SUSD3: variants seen among roughly 807,000 people sequenced by gnomAD.
SUSD3 encodes the protein sushi domain-containing protein 3.
In SUSD3, 18 loss-of-function variants were observed where a neutral mutation model predicts 20.6. The ratio of observed to expected loss-of-function variants is 0.87; its 90% CI spans 0.60 to 1.30. The LOEUF is 1.30. Among genes scored for constraint, SUSD3 ranks in the 50% most tolerant of loss-of-function variants. The pLI, the probability that SUSD3 is intolerant of heterozygous loss-of-function variation, is 0.00. For synonymous variants in SUSD3, 137 were observed against 141.5 expected, an observed-to-expected ratio of 0.97 and a Z score of 0.23; for missense variants, 306 against 346.9, an observed-to-expected ratio of 0.88 and a Z score of 0.94.
At chr9:93,069,218 G>A (rs1447889078) in intron 1 of SUSD3, 2 of 689,374 alleles carry the variant, frequency 2.9e-6, no homozygotes, top group African/African-American at 1.8e-5. Flanking sequence ...CACCCCGCCT[G>A]GGATTGCTGT....
intron 1 of SUSD3, among the ~76,000 whole-genome samples, chr9:93,072,754 G>A (rs1564189824): frequency 1.3e-5 from 2 of 152,216 alleles, no homozygotes; most frequent in South Asian, 2.1e-4. Flanking sequence ...GATGTCTTTG[G>A]TAAACATTTT....
intron 1 of SUSD3, among the ~76,000 whole-genome samples, chr9:93,074,107 T>C (rs7026691): frequency 0.054 from 8,204 of 152,202 alleles, 688 homozygotes; most frequent in African/African-American, 0.18. Flanking sequence ...TTTATAAAAA[T>C]TCTTGATTGC....
At chr9:93,072,952 G>A (rs1449982634) in intron 1 of SUSD3, among the ~76,000 whole-genome samples, 1 of 152,104 alleles carries the variant, frequency 6.6e-6, no homozygotes, top group Non-Finnish European at 1.5e-5. Context: ...TCTCAGGCTC[G>A]GTGGGCAGTA....
chr9:93,074,997 G>C (rs1826069587), intron 1 of SUSD3, among the ~76,000 whole-genome samples: 1 of 152,130 alleles, frequency 6.6e-6, no homozygotes, highest in Non-Finnish European at 1.5e-5. Context: ...AGAAAGGTTG[G>C]ATCTGTACCC....
intron 1 of SUSD3, among the ~76,000 whole-genome samples, chr9:93,073,842 C>G (rs892760932): frequency 2.0e-5 from 3 of 152,076 alleles, no homozygotes; most frequent in Admixed American, 6.5e-5. Flanking sequence ...GTGTGTGTGT[C>G]TGTGTGTGTA....
chr9:93,074,725 C>T (rs1443890858), intron 1 of SUSD3, among the ~76,000 whole-genome samples: 1 of 149,834 alleles, frequency 6.7e-6, no homozygotes, highest in African/African-American at 2.5e-5. Context: ...ATCGATTCTC[C>T]TGCCTCAGCC....
In SUSD3 at chr9:93,084,876, AG is replaced by A. The variant is rs984973613; in HGVS notation, c.*131del. On this transcript the variant is annotated 3_prime_UTR_variant, in exon 5 of 5. Coordinates refer to ENST00000375472, the MANE Select transcript of SUSD3 (RefSeq NM_145006.4). The stretch of plus-strand genomic sequence containing the variant: ...AGACTGATGAGTGGAATCAGCTTCC[AG>A]GTGTAGGGACCCCTTGAGGGGCCGA... 1.2e-5 allele frequency: 10 copies of A among 863,826 alleles called. No homozygotes were observed. In the African/African-American group the frequency reaches 1.4e-4, roughly 12 times the overall value. The allele number at this position is 863,826 out of a possible 1,614,324, so 53.5% of individuals were successfully genotyped here.
At chr9:93,080,668 CCTCCA>C (rs1826379349) in intron 4 of SUSD3, among the ~76,000 whole-genome samples, 1 of 152,216 alleles carries the variant, frequency 6.6e-6, no homozygotes, top group Admixed American at 6.5e-5. Context: ...CCCCCAGGTC[CCTCCA>C]CTGTCAGAGC....
At chr9:93,076,637 A>G (rs7870697) in intron 2 of SUSD3, among the ~76,000 whole-genome samples, 33,773 of 152,266 alleles carry the variant, frequency 0.22, 4,680 homozygotes, top group African/African-American at 0.39. Context: ...TATGCTGCAG[A>G]ACTTCTCAGA....
intron 1 of SUSD3, among the ~76,000 whole-genome samples, chr9:93,075,060 T>C (rs1826073738): frequency 6.6e-6 from 1 of 152,160 alleles, no homozygotes; most frequent in Non-Finnish European, 1.5e-5. Context: ...TTGTTTTCTT[T>C]TTGCCTTTAC....
intron 4 of SUSD3, among the ~76,000 whole-genome samples, chr9:93,081,700 G>A (rs553818973): frequency 1.3e-5 from 2 of 152,250 alleles, no homozygotes; most frequent in South Asian, 2.1e-4. Flanking sequence ...CTTTCCTGAC[G>A]CTTCAAGTGT....
intron 1 of SUSD3, among the ~76,000 whole-genome samples, chr9:93,070,122 T>C (rs1185061213): frequency 6.6e-6 from 1 of 152,226 alleles, no homozygotes; most frequent in Non-Finnish European, 1.5e-5. Context: ...TTTGCTGTGA[T>C]TTTTGTCATT....
intron 4 of SUSD3, among the ~76,000 whole-genome samples, chr9:93,080,169 A>G (rs560543767): frequency 6.6e-6 from 1 of 152,070 alleles, no homozygotes; most frequent in East Asian, 1.9e-4. Context: ...AAACACAAAC[A>G]TTACCTGGGT....
intron 1 of SUSD3, among the ~76,000 whole-genome samples, chr9:93,063,447 G>A (rs1825583234): frequency 6.6e-6 from 1 of 152,200 alleles, no homozygotes; most frequent in African/African-American, 2.4e-5. Context: ...CCTGCTGCTG[G>A]GATGGGTCTT....
chr9:93,079,643 G>C (rs775515794), intron 4 of SUSD3, 41 bp downstream of exon 4: 16 of 1,607,586 alleles, frequency 1.0e-5, no homozygotes, highest in Non-Finnish European at 1.4e-5. Flanking sequence ...GGGGGACAAG[G>C]GGTCCAGCTT....
chr9:93,078,542 G>A (rs555870244), intron 3 of SUSD3, among the ~76,000 whole-genome samples: 18 of 151,596 alleles, frequency 1.2e-4, no homozygotes, highest in African/African-American at 3.4e-4. Context: ...GATTACAGGC[G>A]TGAGCCACCG....
chr9:93,077,137 C>T (rs1826197113), intron 2 of SUSD3, among the ~76,000 whole-genome samples: 1 of 152,126 alleles, frequency 6.6e-6, no homozygotes, highest in South Asian at 2.1e-4. Context: ...ATTCCGAGGC[C>T]TTTTTTAGCC....
intron 1 of SUSD3, among the ~76,000 whole-genome samples, chr9:93,060,795 T>G (rs932058201): frequency 8.5e-5 from 13 of 152,148 alleles, no homozygotes; most frequent in African/African-American, 3.1e-4. Flanking sequence ...TGTGATCACC[T>G]CACTGCACTC....
At chr9:93,084,015 A>T (rs1053915040) in intron 4 of SUSD3, among the ~76,000 whole-genome samples, 1 of 152,126 alleles carries the variant, frequency 6.6e-6, no homozygotes, top group African/African-American at 2.4e-5. Flanking sequence ...GGGTCTGGTC[A>T]GCCTGGGGAA....
Sources: allele counts gnomAD v4.1 joint callset (sites outside exome capture counted in the v4.1 genomes callset), GRCh38; gene constraint gnomAD v4.1.1; transcripts MANE v1.5; gene names NCBI Gene and HGNC (gene_info 2026-07-23, HGNC 2026-07-21).